Variants in CROCC2 observed in about 807,000 individuals in gnomAD.
CROCC2 encodes ciliary rootlet coiled-coil protein 2.
A neutral mutation model predicts 177.6 loss-of-function variants in CROCC2; 163 were observed. The ratio of observed to expected loss-of-function variants is 0.92; its 90% CI spans 0.81 to 1.05. The LOEUF (loss-of-function observed/expected upper bound fraction) is 1.05. Among genes scored for constraint, CROCC2 ranks in the 50% least tolerant of loss-of-function variants. CROCC2 has a pLI of 0.00. For missense variants in CROCC2, 1,929 were observed against 1,797.8 expected, an observed-to-expected ratio of 1.07 and a Z score of -1.32; for synonymous variants, 904 against 787.3, an observed-to-expected ratio of 1.15 and a Z score of -2.48.
In CROCC2 at chr2:240,982,919, A is replaced by G; in HGVS notation, c.4441A>G (p.Arg1481Gly). ...GCTGCGCCAGGCTCTTGAAGAGAGC[A>G]GGAGGCACAGCCAAGGTCTGGCCAA... ...ETLRQALEES[R>G]RHSQGLAKQG... is the part of the protein sequence containing the mutation. The change falls in exon 28 of 32, where the codon AGG becomes GGG. Residue 1481 changes from arginine to glycine, a missense_variant. Arg to Gly is a moderately radical substitution (Grantham distance 125, BLOSUM62 -2). This residue lies in a region of CROCC2 where 388 missense variants were observed against 352.7 expected (regional missense o/e 1.10). Transcript: ENST00000690015. This position sits in a 1 kb window ranked among gnomAD's most constrained non-coding sequence, Gnocchi z 4.7. 3 of 1,550,368 alleles carry G rather than the reference A, an allele frequency of 1.9e-6. No homozygotes were observed. The highest frequency in any genetic ancestry group is 2.6e-6 in the Non-Finnish European group (3 of 1,146,956).
chr2:240,965,889 C>A lies in CROCC2; in HGVS notation c.3857C>A (p.Ala1286Glu), dbSNP rs578065848. The A allele has an allele frequency of 4.2e-6, 6 of 1,432,798 alleles. No individual in the cohort carries two copies. The highest frequency in any genetic ancestry group is 5.5e-6 in the Non-Finnish European group (6 of 1,091,738). 88.8% of individuals were successfully genotyped at this position (1,432,798 alleles called of 1,614,324 possible). The change falls in exon 24 of 32, where the codon GCG (alanine) becomes GAG (glutamate). Residue 1286 changes from alanine to glutamate, a missense_variant. Transcript: ENST00000690015. Reference protein sequence around the residue: ...LAQAEGARQDAEAQLGRLCST... With the variant: ...LAQAEGARQDEEAQLGRLCST... Reference sequence around the variant, plus strand: ...CAGGCTGAGGGTGCAAGGCAGGATGCGGAGGCCCAGCTGGGCCGGCTGTGC... The same window carrying A: ...CAGGCTGAGGGTGCAAGGCAGGATGAGGAGGCCCAGCTGGGCCGGCTGTGC...
rs1455653220 is a variant in CROCC2 at position 240,949,091 on chromosome 2, T to C, written c.2476T>C (p.Leu826=). 6.5e-6 allele frequency: 10 copies of C among 1,539,882 alleles called. No individual in the cohort carries two copies. Among genetic ancestry groups the C allele is most frequent in the African/African-American group, 1.4e-5 (1 of 72,698 alleles). The change falls in exon 16 of 32, where the codon TTG becomes CTG. Residue 826 remains leucine (L), a synonymous_variant. Transcript: ENST00000690015. This position sits in a 1 kb window ranked among gnomAD's most constrained non-coding sequence, Gnocchi z 4.5. The part of the protein sequence containing the change: ...ARSAGLARQA[L]QVEMEQLQSD... ...GAGCGCAGGACTCGCGCGGCAGGCCTTGCAAGGTGCTCCAAGGGCGCTCCC... is the reference window on the plus strand; with the variant it reads ...GAGCGCAGGACTCGCGCGGCAGGCCCTGCAAGGTGCTCCAAGGGCGCTCCC...
chr2:240,935,669 C>G, intron 14 of CROCC2, 81 bp downstream of exon 14: 1 of 1,060,862 alleles, frequency 9.4e-7, no homozygotes, highest in Non-Finnish European at 1.3e-6. Context: ...TTCTGGGAGT[C>G]AGGCAGGCTC....
intron 20 of CROCC2, among the ~76,000 whole-genome samples, chr2:240,961,335 T>TCACGCACTCA (rs1318690080): frequency 6.6e-6 from 1 of 151,872 alleles, no homozygotes; most frequent in Non-Finnish European, 1.5e-5. Flanking sequence ...CACACAAGCC[T>TCACGCACTCA]CACACACTCA....
intron 5 of CROCC2, among the ~76,000 whole-genome samples, chr2:240,928,927 G>A (rs1463613659): frequency 6.6e-6 from 1 of 151,702 alleles, no homozygotes; most frequent in Non-Finnish European, 1.5e-5. Flanking sequence ...GTATGACCAG[G>A]TGTAATGGGC....
intron 14 of CROCC2, 45 bp from the exon 15 acceptor site, chr2:240,946,015 C>G (rs1559599908): frequency 7.0e-7 from 1 of 1,428,164 alleles, no homozygotes. Flanking sequence ...CACCCACCCA[C>G]TTACTCTCTT....
At chr2:240,907,173 G>A (rs886357883) in intron 1 of CROCC2, among the ~76,000 whole-genome samples, 6 of 152,194 alleles carry the variant, frequency 3.9e-5, no homozygotes, top group African/African-American at 1.4e-4. Context: ...TTCCATCGCT[G>A]CACATTTGTG....
Position 240,920,142 on chromosome 2 carries a change from T to C in CROCC2, c.381+8T>C, listed in dbSNP as rs2106453997. 4 of 663,292 alleles carry C rather than the reference T, an allele frequency of 6.0e-6. No individual in the cohort carries two copies. The highest frequency in any genetic ancestry group is 5.6e-5 in the East Asian group (2 of 35,860). The allele number at this position is 663,292 out of a possible 1,614,324, so 41.1% of individuals were successfully genotyped here. On this transcript the variant is annotated splice_region_variant and intron_variant, in intron 3 of 31. Coordinates refer to ENST00000690015, the MANE Select transcript of CROCC2 (RefSeq NM_001351305.2). The stretch of plus-strand genomic sequence containing the variant: ...CGTGTGGTCAGCGAGCAGGTGCGTG[T>C]GTGCAGCAGACTCAGGGCAGGCGGG...
intron 9 of CROCC2, 34 bp downstream of exon 9, chr2:240,932,942 C>G: frequency 6.5e-7 from 1 of 1,540,930 alleles, no homozygotes; most frequent in Non-Finnish European, 8.7e-7. Flanking sequence ...CTCCCTGTCT[C>G]CCTGAGGGCA....
chr2:240,962,074 T>TCACACTCACACACACA (rs1280686622), intron 20 of CROCC2, among the ~76,000 whole-genome samples: 1 of 108,888 alleles, frequency 9.2e-6, no homozygotes, highest in African/African-American at 3.6e-5. Flanking sequence ...TCACACGCAC[T>TCACACTCACACACACA]CACACTCACA....
chr2:240,969,920 G>A (rs1251394530), intron 27 of CROCC2, among the ~76,000 whole-genome samples: 3 of 152,066 alleles, frequency 2.0e-5, no homozygotes, highest in Non-Finnish European at 2.9e-5. Context: ...GTAGAGACAG[G>A]TTTCACACCA....
chr2:240,919,807 T>C (rs948345618), intron 2 of CROCC2, among the ~76,000 whole-genome samples, 176 bp from the exon 3 acceptor site: 1 of 152,162 alleles, frequency 6.6e-6, no homozygotes, highest in Non-Finnish European at 1.5e-5. Flanking sequence ...GTATGAAGTC[T>C]GCCTCCCTAT....
chr2:240,945,268 C>T (rs928308014), intron 14 of CROCC2, among the ~76,000 whole-genome samples: 3 of 152,166 alleles, frequency 2.0e-5, no homozygotes, highest in African/African-American at 7.2e-5. Context: ...AGGCAGTGAA[C>T]GTAGAAGGTC....
rs555155882 is a variant in CROCC2, at chr2:240,964,586, G to A, written c.3426G>A (p.Gly1142=). The A allele has an allele frequency of 1.9e-6, 3 of 1,549,568 alleles. No individual in the cohort carries two copies. The highest frequency in any genetic ancestry group is 3.9e-5 in the Admixed American group (2 of 50,984). Residue 1142 remains glycine, a synonymous_variant, in exon 22 of 32, where the codon GGG becomes GGA. Transcript: ENST00000690015. The part of the protein sequence containing the change: ...RAHLWELEQA[G]GDARQELREL... ...ACCTGTGGGAGCTGGAGCAGGCAGG[G>A]GGGGACGCCCGTCAGGAGCTCCGGG...
At chr2:240,930,106 G>A in intron 5 of CROCC2, 60 bp from the exon 6 acceptor site, 1 of 523,414 alleles carries the variant, frequency 1.9e-6, no homozygotes, top group South Asian at 3.3e-5. Flanking sequence ...GAAAAGAGTG[G>A]GCTTCAGGGA....
intron 25 of CROCC2, 53 bp from the exon 26 acceptor site, chr2:240,967,292 G>A: frequency 1.6e-6 from 1 of 619,412 alleles, no homozygotes; most frequent in Non-Finnish European, 3.0e-6. Context: ...AGACACCTTG[G>A]CCCTCCACCC....
intron 15 of CROCC2, among the ~76,000 whole-genome samples, chr2:240,948,679 T>C (rs1197893855): frequency 6.6e-6 from 1 of 152,136 alleles, no homozygotes; most frequent in African/African-American, 2.4e-5. Context: ...AACAGTGGCA[T>C]CTCCATGCAC....
intron 18 of CROCC2, among the ~76,000 whole-genome samples, chr2:240,952,225 T>A (rs2059561223): frequency 6.8e-6 from 1 of 147,472 alleles, no homozygotes; most frequent in Non-Finnish European, 1.5e-5. Flanking sequence ...TGGGGACCTG[T>A]AATCCCAGCT....
rs559293478 is a variant in CROCC2 at position 240,934,368 on chromosome 2, G to C, written c.1684G>C (p.Gly562Arg). 1.8e-5 allele frequency: 28 copies of C among 1,548,758 alleles called. No individual in the cohort carries two copies. The highest frequency in any genetic ancestry group is 9.8e-5 in the Admixed American group (5 of 51,002). The change falls in exon 12 of 32, where the codon GGG (glycine) becomes CGG (arginine). Residue 562 changes from glycine to arginine, a missense_variant. Gly to Arg is a moderately radical substitution (Grantham distance 125). Around this residue, in one of 3 missense-constraint regions of CROCC2, gnomAD observed 1,397 missense variants for 1,239.9 expected, o/e 1.13. Coordinates refer to ENST00000690015, the MANE Select transcript of CROCC2 (RefSeq NM_001351305.2). ...GCAGCAGCTGGAGGAGAAGGTCTCCGGGCTCAGAGAGGAGCTGGCATCGGT... is the reference window on the plus strand; with the variant it reads ...GCAGCAGCTGGAGGAGAAGGTCTCCCGGCTCAGAGAGGAGCTGGCATCGGT... ...RLQQLEEKVSGLREELASVRE... is the reference protein window; with the variant it reads ...RLQQLEEKVSRLREELASVRE...
Sources: allele counts gnomAD v4.1 joint callset (sites outside exome capture counted in the v4.1 genomes callset), GRCh38; gene constraint gnomAD v4.1.1; regional missense constraint gnomAD v4.1.1; non-coding constraint Gnocchi (gnomAD v3.1); transcripts MANE v1.5; gene names NCBI Gene and HGNC (gene_info 2026-07-23, HGNC 2026-07-21).